DNTTIP2: variants seen among roughly 807,000 people sequenced by gnomAD.
DNTTIP2 encodes the protein deoxynucleotidyltransferase terminal-interacting protein 2.
Under a neutral mutation model 62.4 loss-of-function variants are expected in DNTTIP2, and 47 were observed. The observed-to-expected ratio is 0.75, with a 90% confidence interval of 0.60 to 0.96. The LOEUF (loss-of-function observed/expected upper bound fraction) is 0.96. Among genes scored for constraint, DNTTIP2 ranks in the 40% least tolerant of loss-of-function variants. The pLI, the probability that DNTTIP2 is intolerant of heterozygous loss-of-function variation, is 0.00. For missense variants in DNTTIP2, 870 were observed against 849.1 expected (o/e 1.02, Z -0.31); for synonymous variants, 322 against 300.9 (o/e 1.07, Z -0.73).
At chr1:93,873,084 A>T (rs1655911195) in intron 4 of DNTTIP2, 35 bp downstream of exon 4, 2 of 1,439,500 alleles carry the variant, frequency 1.4e-6, no homozygotes, top group Admixed American at 1.8e-5. Flanking sequence ...ATAGCCAAAC[A>T]TATCTAAGCA....
chr1:93,877,453 G>A lies in DNTTIP2; in HGVS notation c.482C>T (p.Thr161Ile). The change falls in exon 2 of 7, where the codon ACA becomes ATA. Residue 161 changes from threonine (T) to isoleucine (I), a missense_variant. Thr to Ile is a moderately conservative substitution (Grantham distance 89). Coordinates refer to ENST00000436063, the MANE Select transcript of DNTTIP2 (RefSeq NM_014597.5). ...SRIVLPTEKT[T>I]GARRSKAKSL... Reference sequence around the variant, plus strand: ...TTTAGCCTTACTTCTTCTGGCTCCTGTAGTTTTTTCTGTAGGAAGCACAAT... The same window carrying A: ...TTTAGCCTTACTTCTTCTGGCTCCTATAGTTTTTTCTGTAGGAAGCACAAT... 1 of 1,613,882 alleles carries A rather than the reference G, an allele frequency of 6.2e-7. No homozygotes were observed. The highest frequency in any genetic ancestry group is 2.2e-5 in the East Asian group (1 of 44,880).
In DNTTIP2 at chr1:93,868,007, G is replaced by A. The variant is rs1655763821; in HGVS notation, c.*1844C>T. ...AACAAAAGGCAAAATTGACAAGTGG[G>A]ATCTAATTAAACTAAAGAGTTTCTG... On this transcript the variant is annotated 3_prime_UTR_variant, in exon 7 of 7. Transcript: ENST00000436063. The A allele has an allele frequency of 6.6e-6, 1 of 152,072 alleles. No homozygotes were observed. Among genetic ancestry groups the A allele is most frequent in the Non-Finnish European group, 1.5e-5 (1 of 68,014 alleles). 9.4% of individuals were successfully genotyped at this position (152,072 alleles called of 1,614,324 possible).
In DNTTIP2 at chr1:93,872,225, T is replaced by G; in HGVS notation, c.1914A>C (p.Gln638His). 6.2e-7 allele frequency: 1 copy of G among 1,613,284 alleles called. No homozygotes were observed. Among genetic ancestry groups the G allele is most frequent in the Non-Finnish European group, 8.5e-7 (1 of 1,179,670 alleles). Reference protein sequence around the residue: ...QLQKKRRKERQKTAGDGWFGM... With the variant: ...QLQKKRRKERHKTAGDGWFGM... ...CAAACCAGCCATCCCCTGCTGTTTT[T>G]TGTCGTTCTTTCTGAAATTATGATT... The change falls in exon 5 of 7, where the codon CAA becomes CAC. Residue 638 changes from glutamine to histidine, a missense_variant. Transcript: ENST00000436063.
chr1:93,866,483 G>A lies in DNTTIP2; in HGVS notation c.*3368C>T, dbSNP rs538705502. The A allele has an allele frequency of 6.6e-6, 1 of 152,186 alleles. No individual in the cohort carries two copies. The highest frequency in any genetic ancestry group is 1.5e-5 in the Non-Finnish European group (1 of 68,028). 9.4% of individuals were successfully genotyped at this position (152,186 alleles called of 1,614,324 possible). On this transcript the variant is annotated 3_prime_UTR_variant, in exon 7 of 7. Coordinates refer to ENST00000436063, the MANE Select transcript of DNTTIP2 (RefSeq NM_014597.5). Reference sequence around the variant, plus strand: ...TGTAGGTAATTATTCTGAACAAGTTGTCACTGCCTGAGAGACTGAATACCT... The same window carrying A: ...TGTAGGTAATTATTCTGAACAAGTTATCACTGCCTGAGAGACTGAATACCT...
At position 93,867,190 on chromosome 1, in the gene DNTTIP2, T is replaced by C. The variant is rs1406085548; in HGVS notation, c.*2661A>G. 1 of 143,810 alleles carries C rather than the reference T, an allele frequency of 7.0e-6. No individual in the cohort carries two copies. The highest frequency in any genetic ancestry group is 1.5e-5 in the Non-Finnish European group (1 of 66,086). The allele number at this position is 143,810 out of a possible 1,614,324, so 8.9% of individuals were successfully genotyped here. A position where few individuals can be genotyped will look rare whatever the true frequency, so the allele number is the denominator to read the frequency against. On this transcript the variant is annotated 3_prime_UTR_variant, in exon 7 of 7. Transcript: ENST00000436063. Reference sequence around the variant, plus strand: ...ATCTTGGAGCCAGATGGTGTATAAATACAGCATTCTTTTCGAAATCTTTCA... The same window carrying C: ...ATCTTGGAGCCAGATGGTGTATAAACACAGCATTCTTTTCGAAATCTTTCA...
rs1399760249 is a variant in DNTTIP2 at position 93,876,529 on chromosome 1, C to T, written c.1406G>A (p.Ser469Asn). 1 of 1,614,004 alleles carries T rather than the reference C, an allele frequency of 6.2e-7. No homozygotes were observed. Among genetic ancestry groups the T allele is most frequent in the Non-Finnish European group, 8.5e-7 (1 of 1,179,896 alleles). ...EEDTLCFVEN[S>N]GQRESLSGDT... The stretch of plus-strand genomic sequence containing the variant: ...TCCACTTAATGACTCCCTTTGGCCA[C>T]TATTTTCAACAAAACATAAAGTATC... Residue 469 changes from serine to asparagine, a missense_variant, in exon 2 of 7, where the codon AGT (serine) becomes AAT (asparagine). Transcript: ENST00000436063.
chr1:93,875,711 A>G lies in DNTTIP2; in HGVS notation c.1740T>C (p.Phe580=), dbSNP rs2273165. 0.45 allele frequency: 722,678 copies of G among 1,612,100 alleles called. 164,891 individuals carry two copies. The highest frequency in any genetic ancestry group is 0.62 in the East Asian group (27,703 of 44,754). Residue 580 remains phenylalanine (F), a synonymous_variant, in exon 3 of 7, where the codon TTT becomes TTC. Coordinates refer to ENST00000436063, the MANE Select transcript of DNTTIP2 (RefSeq NM_014597.5). ...TGTTAGACTGTAGTTTATCTGCATT[A>G]AAATTAATATACAAACCACCCAACT... The part of the protein sequence containing the change: ...IKQLGGLYIN[F]NADKLQSNKR...
rs1656006102 is a variant in DNTTIP2, at chr1:93,876,391, G to C, written c.1544C>G (p.Ala515Gly). Reference sequence around the variant, plus strand: ...TTCCTCTTCTTTTTCTTCCTCAATGGCAACCTCACTTGCCTTGTCTTCCTC... The same window carrying C: ...TTCCTCTTCTTTTTCTTCCTCAATGCCAACCTCACTTGCCTTGTCTTCCTC... ...LEEEDKASEV[A>G]IEEEKEEEED... Residue 515 changes from alanine (A) to glycine (G), a missense_variant, in exon 2 of 7, where the codon GCC becomes GGC. Transcript: ENST00000436063. The C allele has an allele frequency of 6.3e-7, 1 of 1,597,278 alleles. No individual in the cohort carries two copies. Among genetic ancestry groups the C allele is most frequent in the African/African-American group, 1.3e-5 (1 of 74,366 alleles).
chr1:93,877,053 C>T lies in DNTTIP2; in HGVS notation c.882G>A (p.Gln294=). 1 of 1,612,214 alleles carries T rather than the reference C, an allele frequency of 6.2e-7. No individual in the cohort carries two copies. The highest frequency in any genetic ancestry group is 8.5e-7 in the Non-Finnish European group (1 of 1,179,792). The change falls in exon 2 of 7, where the codon CAG becomes CAA. Residue 294 remains glutamine (Q), a synonymous_variant. Coordinates refer to ENST00000436063, the MANE Select transcript of DNTTIP2 (RefSeq NM_014597.5). Reference sequence around the variant, plus strand: ...CATCTTCATCCAAATCCTTACAATTCTGTTTTGTTTCTTTAAGAGATTCAA... The same window carrying T: ...CATCTTCATCCAAATCCTTACAATTTTGTTTTGTTTCTTTAAGAGATTCAA... The part of the protein sequence containing the change: ...ANVESLKETK[Q]NCKDLDEDAN...
At chr1:93,875,899 A>G in intron 2 of DNTTIP2, 116 bp from the exon 3 acceptor site, 2 of 998,586 alleles carry the variant, frequency 2.0e-6, no homozygotes, top group East Asian at 2.9e-5. Flanking sequence ...CACAATAAAG[A>G]AAAAAAAGCA....
At chr1:93,874,794 G>A (rs867082063) in intron 3 of DNTTIP2, among the ~76,000 whole-genome samples, 5 of 152,080 alleles carry the variant, frequency 3.3e-5, no homozygotes, top group South Asian at 4.1e-4. Context: ...TTGCCCAGCC[G>A]GATTTGTGTT....
intron 3 of DNTTIP2, among the ~76,000 whole-genome samples, chr1:93,875,110 G>C (rs1170896588): frequency 6.6e-6 from 1 of 152,170 alleles, no homozygotes; most frequent in Admixed American, 6.5e-5. Context: ...TGAACAAATA[G>C]GTACTTGGAT....
rs2100879839 is a variant in DNTTIP2, at chr1:93,867,929, T to C, written c.*1922A>G. On this transcript the variant is annotated 3_prime_UTR_variant, in exon 7 of 7. Transcript: ENST00000436063. ...TTGACTCCAAGCAGTAAATATGAGATTTTGGACATAGGTATGGGCAGACTG... is the reference window on the plus strand; with the variant it reads ...TTGACTCCAAGCAGTAAATATGAGACTTTGGACATAGGTATGGGCAGACTG... 6.6e-6 allele frequency: 1 copy of C among 152,182 alleles called. No homozygotes were observed. Among genetic ancestry groups the C allele is most frequent in the South Asian group, 2.1e-4 (1 of 4,820 alleles). 9.4% of individuals were successfully genotyped at this position (152,182 alleles called of 1,614,324 possible). A position where few individuals can be genotyped will look rare whatever the true frequency, so the allele number is the denominator to read the frequency against.
At position 93,877,206 on chromosome 1, in the gene DNTTIP2, T is replaced by C; in HGVS notation, c.729A>G (p.Gln243=). The change falls in exon 2 of 7, where the codon CAA becomes CAG. Residue 243 remains glutamine (Q), a synonymous_variant. Transcript: ENST00000436063. The part of the protein sequence containing the change: ...PVNSEDSDTR[Q]TSHLQARSLS... Reference sequence around the variant, plus strand: ...GAGATCTTGCTTGTAAATGGGAAGTTTGTCTGGTATCTGAATCCTCTGAAT... The same window carrying C: ...GAGATCTTGCTTGTAAATGGGAAGTCTGTCTGGTATCTGAATCCTCTGAAT... The C allele has an allele frequency of 4.3e-6, 7 of 1,613,860 alleles. No homozygotes were observed. Among genetic ancestry groups the C allele is most frequent in the Non-Finnish European group, 5.9e-6 (7 of 1,179,882 alleles).
In DNTTIP2 at chr1:93,870,683, CT is replaced by C; in HGVS notation, c.2176del (p.Arg726AspfsTer79). On this transcript the variant is annotated frameshift_variant and splice_region_variant, in exon 6 of 7. Coordinates refer to ENST00000436063, the MANE Select transcript of DNTTIP2 (RefSeq NM_014597.5). LOFTEE classifies it high-confidence loss of function. ...ATAAAATAAATATGAATTCCTTTAC[CT>C]TCTGAATTCAGAATCAGCCAGCAGT... The part of the protein sequence containing the change: ...EELLADSEFR[R>X]YNRRKYSEIM... 1 of 1,513,538 alleles carries C rather than the reference CT, an allele frequency of 6.6e-7. No individual in the cohort carries two copies. Among genetic ancestry groups the C allele is most frequent in the Non-Finnish European group, 8.9e-7 (1 of 1,119,268 alleles). The allele number at this position is 1,513,538 out of a possible 1,614,324, so 93.8% of individuals were successfully genotyped here. A position where few individuals can be genotyped will look rare whatever the true frequency, so the allele number is the denominator to read the frequency against.
chr1:93,872,109 T>C lies in DNTTIP2; in HGVS notation c.2030A>G (p.Lys677Arg), dbSNP rs1239983584. 6.2e-7 allele frequency: 1 copy of C among 1,613,890 alleles called. No homozygotes were observed. The highest frequency in any genetic ancestry group is 8.5e-7 in the Non-Finnish European group (1 of 1,179,794). ...GGGGAAGCCATCTCTATCATTTTTC[T>C]TGTAAAATCTTTTCGGGTCCATGCT... ...RASMDPKRFY[K>R]KNDRDGFPKY... The change falls in exon 5 of 7, where the codon AAG (lysine) becomes AGG (arginine). Residue 677 changes from lysine (K) to arginine (R), a missense_variant. Physicochemically the swap from Lys to Arg is conservative, Grantham distance 26. Transcript: ENST00000436063.
At chr1:93,872,888 T>TG (rs201279787) in intron 4 of DNTTIP2, among the ~76,000 whole-genome samples, 2 of 151,210 alleles carry the variant, frequency 1.3e-5, no homozygotes, top group East Asian at 3.9e-4. Context: ...ATATATATAT[T>TG]TTTTTAAAAA....
chr1:93,870,900 C>A, intron 5 of DNTTIP2, 108 bp from the exon 6 acceptor site: 1 of 494,636 alleles, frequency 2.0e-6, no homozygotes, highest in South Asian at 5.6e-5. Context: ...AACAAGCTTA[C>A]ATTACACTAA....
chr1:93,877,447 G>A lies in DNTTIP2; in HGVS notation c.488C>T (p.Ala163Val). 6.2e-7 allele frequency: 1 copy of A among 1,613,762 alleles called. No individual in the cohort carries two copies. The highest frequency in any genetic ancestry group is 8.5e-7 in the Non-Finnish European group (1 of 1,179,870). ...CAGAGATTTAGCCTTACTTCTTCTG[G>A]CTCCTGTAGTTTTTTCTGTAGGAAG... ...IVLPTEKTTG[A>V]RRSKAKSLTD... Residue 163 changes from alanine (A) to valine (V), a missense_variant, in exon 2 of 7, where the codon GCC becomes GTC. Transcript: ENST00000436063.
Sources: allele counts gnomAD v4.1 joint callset (sites outside exome capture counted in the v4.1 genomes callset), GRCh38; gene constraint gnomAD v4.1.1; transcripts MANE v1.5; gene names NCBI Gene and HGNC (gene_info 2026-07-23, HGNC 2026-07-21).